Variants in PTPRD observed in about 807,000 individuals in gnomAD.
PTPRD encodes receptor-type tyrosine-protein phosphatase delta.
A neutral mutation model predicts 214.5 loss-of-function variants in PTPRD; 34 were observed. That is an observed-to-expected ratio of 0.16 (90% confidence interval 0.12 to 0.21). The LOEUF is 0.21. Ranked by LOEUF, PTPRD falls within the 10% of genes least tolerant of loss-of-function variation. The pLI is 1.00. For missense variants in PTPRD, 2,545 were observed against 2,398.7 expected (o/e 1.06, Z -1.27); for synonymous variants, 1,128 against 845.7 (o/e 1.33, Z -5.79).
chr9:8,998,518 T>G (rs1469755893), intron 11 of PTPRD, among the ~76,000 whole-genome samples: 1 of 152,040 alleles, frequency 6.6e-6, no homozygotes, highest in Non-Finnish European at 1.5e-5. Context: ...GTAAAAACAT[T>G]GCTGCTCATT....
chr9:10,380,507 G>A (rs890565018), intron 2 of PTPRD, among the ~76,000 whole-genome samples: 1 of 152,000 alleles, frequency 6.6e-6, no homozygotes, highest in Admixed American at 6.6e-5. Context: ...ACATATCATA[G>A]TACCCTTCAC....
At chr9:8,418,022 T>C (rs1334160999) in intron 35 of PTPRD, among the ~76,000 whole-genome samples, 1 of 152,182 alleles carries the variant, frequency 6.6e-6, no homozygotes, top group Non-Finnish European at 1.5e-5. Flanking sequence ...TAATGTTCTT[T>C]AAAGTCAGGA....
At chr9:8,584,880 T>C (rs1017029151) in intron 14 of PTPRD, among the ~76,000 whole-genome samples, 6 of 152,218 alleles carry the variant, frequency 3.9e-5, no homozygotes, top group Admixed American at 3.9e-4. Context: ...CTTCTTCGCA[T>C]GGCAGTGTCG....
chr9:9,970,146 C>A (rs2094987181), intron 4 of PTPRD, among the ~76,000 whole-genome samples: 1 of 152,020 alleles, frequency 6.6e-6, no homozygotes, highest in Non-Finnish European at 1.5e-5. Flanking sequence ...AGCAAACCAG[C>A]AAATGGTTTT....
intron 5 of PTPRD, chr9:9,803,648 C>T (rs957449779): frequency 6.6e-6 from 1 of 151,760 alleles, no homozygotes; most frequent in Admixed American, 6.6e-5. Flanking sequence ...GCCTGGTATA[C>T]CAATGATGTC....
intron 12 of PTPRD, among the ~76,000 whole-genome samples, chr9:8,642,627 T>C (rs76068600): frequency 0.09 from 13,652 of 152,152 alleles, 716 homozygotes; most frequent in East Asian, 0.18. Context: ...CTTTGGGGTC[T>C]GGTGGGAAAT....
intron 3 of PTPRD, among the ~76,000 whole-genome samples, chr9:10,097,922 G>T (rs2154209893): frequency 6.6e-6 from 1 of 151,908 alleles, no homozygotes; most frequent in South Asian, 2.1e-4. Flanking sequence ...AACCATTGTG[G>T]AAGTCGGTGT....
At chr9:8,679,373 G>A (rs67228502) in intron 12 of PTPRD, among the ~76,000 whole-genome samples, 5,092 of 152,198 alleles carry the variant, frequency 0.033, 164 homozygotes, top group African/African-American at 0.079. Context: ...CTTTCCCACA[G>A]TTATGAGAAA....
chr9:8,593,287 G>C (rs1043251572), intron 14 of PTPRD, among the ~76,000 whole-genome samples: 2 of 152,186 alleles, frequency 1.3e-5, no homozygotes, highest in Non-Finnish European at 2.9e-5. Flanking sequence ...ACCTGATACA[G>C]AAGATGCTTG....
intron 2 of PTPRD, among the ~76,000 whole-genome samples, chr9:10,470,881 G>T (rs1331093996): frequency 2.0e-5 from 3 of 152,162 alleles, no homozygotes; most frequent in African/African-American, 7.2e-5. Flanking sequence ...ATTCACAATA[G>T]CAAAGACTGG....
chr9:9,405,147 A>C (rs1020124495), intron 8 of PTPRD, among the ~76,000 whole-genome samples: 1 of 152,092 alleles, frequency 6.6e-6, no homozygotes, highest in Non-Finnish European at 1.5e-5. Flanking sequence ...TCTAAAACTC[A>C]CAATTTCTTC....
intron 11 of PTPRD, among the ~76,000 whole-genome samples, chr9:9,001,916 C>T (rs1378071691): frequency 6.8e-6 from 1 of 147,332 alleles, no homozygotes; most frequent in Non-Finnish European, 1.5e-5. Flanking sequence ...AAGCACCTAT[C>T]TAGTTTCTGC....
chr9:8,349,063 A>T lies in PTPRD; in HGVS notation c.4662-7085T>A, dbSNP rs866730261. Among the ~76,000 whole-genome samples the T allele has an allele frequency of 7.9e-5, 12 of 152,146 alleles. No homozygotes were observed. In the South Asian group the frequency reaches 1.0e-3, roughly 13 times the overall value. Reference sequence around the variant, plus strand: ...CAAAATTTATAAAAAAAAAAAATTTAAAAAACTTTAAAAATAGGAAGCCCT... The same window carrying T: ...CAAAATTTATAAAAAAAAAAAATTTTAAAAACTTTAAAAATAGGAAGCCCT... On this transcript the variant is annotated intron_variant, in intron 39 of 45. Transcript: ENST00000381196.
intron 3 of PTPRD, among the ~76,000 whole-genome samples, chr9:10,310,349 T>C (rs1446113731): frequency 6.6e-6 from 1 of 151,920 alleles, no homozygotes; most frequent in Non-Finnish European, 1.5e-5. Flanking sequence ...TGCCAACTGA[T>C]ACAAAAATGG....
At chr9:9,964,965 T>G (rs765220352) in intron 4 of PTPRD, among the ~76,000 whole-genome samples, 1 of 152,150 alleles carries the variant, frequency 6.6e-6, no homozygotes, top group Non-Finnish European at 1.5e-5. Flanking sequence ...GTAAAATATG[T>G]TCATGCAAAA....
At chr9:10,385,715 A>T (rs1000476086) in intron 2 of PTPRD, among the ~76,000 whole-genome samples, 2 of 151,870 alleles carry the variant, frequency 1.3e-5, no homozygotes, top group African/African-American at 2.4e-5. Context: ...CTTATCATAA[A>T]TGGCAAATTG....
intron 3 of PTPRD, among the ~76,000 whole-genome samples, chr9:10,221,159 AG>A (rs145378797): frequency 0.1 from 15,278 of 152,056 alleles, 831 homozygotes; most frequent in Non-Finnish European, 0.12. Context: ...CTTCCTATAA[AG>A]AACATAAACA....
intron 2 of PTPRD, among the ~76,000 whole-genome samples, chr9:10,526,744 A>T (rs138022973): frequency 7.7e-4 from 118 of 152,286 alleles, no homozygotes; most frequent in African/African-American, 2.6e-3. Context: ...TAGATACAGT[A>T]TTGAGGTTCC....
At chr9:9,662,983 T>A (rs763168178) in intron 7 of PTPRD, among the ~76,000 whole-genome samples, 1 of 151,640 alleles carries the variant, frequency 6.6e-6, no homozygotes, top group Non-Finnish European at 1.5e-5. Flanking sequence ...TTTTTCTTTA[T>A]GCATAAGTTT....
Sources: gnomAD v4.1 joint callset for allele counts (sites outside exome capture counted in the v4.1 genomes callset) on GRCh38, gnomAD v4.1.1 for gene constraint, MANE v1.5 for transcripts, NCBI Gene and HGNC (gene_info 2026-07-23, HGNC 2026-07-21) for gene names.